MYO3A: variants seen among roughly 807,000 people sequenced by gnomAD.
MYO3A encodes myosin-IIIa.
MYO3A carries 180 observed loss-of-function variants against 192.7 expected under a neutral mutation model. The observed-to-expected ratio is 0.93, with a 90% CI of 0.83 to 1.06. The LOEUF (loss-of-function observed/expected upper bound fraction) is 1.06. Ranked by LOEUF, MYO3A falls within the 50% of genes least tolerant of loss-of-function variation. The pLI is 0.00. For missense variants in MYO3A, 1,896 were observed against 1,905.0 expected (o/e 1.00, Z 0.09); for synonymous variants, 628 against 645.3 (o/e 0.97, Z 0.41).
chr10:26,122,006 GA>G (rs1838895533), intron 18 of MYO3A, among the ~76,000 whole-genome samples: 1 of 152,098 alleles, frequency 6.6e-6, no homozygotes, highest in Non-Finnish European at 1.5e-5. Context: ...AAACCTCAAG[GA>G]AACATGTTCT....
chr10:26,078,478 G>T, intron 14 of MYO3A, among the ~76,000 whole-genome samples: 1 of 151,126 alleles, frequency 6.6e-6, no homozygotes, highest in Non-Finnish European at 1.5e-5. Flanking sequence ...ATCTTTTGTG[G>T]GGTTTTTTGT....
chr10:25,961,922 T>C (rs1588665199), intron 4 of MYO3A, among the ~76,000 whole-genome samples: 1 of 152,178 alleles, frequency 6.6e-6, no homozygotes, highest in Non-Finnish European at 1.5e-5. Context: ...GCAGTGGCTG[T>C]AATGTTACCC....
chr10:26,035,406 A>C (rs1842979547), intron 10 of MYO3A, among the ~76,000 whole-genome samples: 1 of 152,250 alleles, frequency 6.6e-6, no homozygotes, highest in Non-Finnish European at 1.5e-5. Flanking sequence ...AAGAAGAAGC[A>C]GTTGCTGATA....
At chr10:26,021,823 A>G in intron 8 of MYO3A, 175 bp downstream of exon 8, 1 of 814,774 alleles carries the variant, frequency 1.2e-6, no homozygotes, top group South Asian at 1.6e-5. Flanking sequence ...CAGTAGTTGC[A>G]TTTCCCTGGT....
In MYO3A at chr10:26,068,853, C is replaced by A. The variant is rs1249277988; in HGVS notation, c.1139C>A (p.Pro380His). ...GGAGACATACTCATTGCTCTTAACC[C>A]TTTTCAGAGTCTGGGTCTTTACTCC... Reference protein sequence around the residue: ...YVGDILIALNPFQSLGLYSTK... With the variant: ...YVGDILIALNHFQSLGLYSTK... Residue 380 changes from proline (P) to histidine (H), a missense_variant, in exon 12 of 35, where the codon CCT becomes CAT. Coordinates refer to ENST00000642920, the MANE Select transcript of MYO3A (RefSeq NM_017433.5). The A allele has an allele frequency of 6.3e-7, 1 of 1,594,728 alleles. No homozygotes were observed. Among genetic ancestry groups the A allele is most frequent in the East Asian group, 2.2e-5 (1 of 44,720 alleles).
intron 6 of MYO3A, among the ~76,000 whole-genome samples, chr10:26,003,076 C>T (rs1840953378): frequency 6.6e-6 from 1 of 152,098 alleles, no homozygotes; most frequent in African/African-American, 2.4e-5. Flanking sequence ...GAGAAAGTCA[C>T]ACAGAATCTG....
intron 10 of MYO3A, among the ~76,000 whole-genome samples, chr10:26,046,699 C>A (rs1220145722): frequency 6.6e-6 from 1 of 152,188 alleles, no homozygotes; most frequent in Admixed American, 6.5e-5. Context: ...TAATCTGGAT[C>A]CTGATTTAGC....
chr10:26,113,975 A>C (rs955351623), intron 17 of MYO3A, among the ~76,000 whole-genome samples: 1 of 152,222 alleles, frequency 6.6e-6, no homozygotes, highest in African/African-American at 2.4e-5. Context: ...AGAACATATT[A>C]ATATCTCACA....
chr10:25,951,477 G>A (rs1201451415), intron 2 of MYO3A, among the ~76,000 whole-genome samples: 1 of 152,148 alleles, frequency 6.6e-6, no homozygotes, highest in African/African-American at 2.4e-5. Flanking sequence ...CAGGCAGAGG[G>A]GGTCAGGAAT....
chr10:26,190,974 A>C (rs181088259), intron 31 of MYO3A, among the ~76,000 whole-genome samples: 1 of 152,176 alleles, frequency 6.6e-6, no homozygotes, highest in African/African-American at 2.4e-5. Flanking sequence ...CTTCTTGGCC[A>C]TCTTCATTTT....
At chr10:26,106,621 G>A (rs183389162) in intron 17 of MYO3A, among the ~76,000 whole-genome samples, 1 of 152,008 alleles carries the variant, frequency 6.6e-6, no homozygotes, top group East Asian at 1.9e-4. Flanking sequence ...TATTTTTTTG[G>A]AAAAGAATAT....
chr10:26,121,540 A>G (rs1049687078), intron 18 of MYO3A, among the ~76,000 whole-genome samples: 3 of 152,176 alleles, frequency 2.0e-5, no homozygotes, highest in African/African-American at 7.2e-5. Flanking sequence ...ACCTGAGGTC[A>G]GGAGTTTGAG....
chr10:25,996,350 A>G (rs1296909133), intron 4 of MYO3A, 140 bp from the exon 5 acceptor site: 4 of 675,638 alleles, frequency 5.9e-6, no homozygotes, highest in South Asian at 1.8e-5. Flanking sequence ...CATTTTATTT[A>G]TGAAAGCATA....
intron 11 of MYO3A, among the ~76,000 whole-genome samples, chr10:26,068,176 T>A: frequency 6.6e-6 from 1 of 152,200 alleles, no homozygotes; most frequent in Non-Finnish European, 1.5e-5. Context: ...CTATATTTTA[T>A]TTTTAGTTTC....
At chr10:26,003,513 CT>C (rs1840983077) in intron 6 of MYO3A, among the ~76,000 whole-genome samples, 1 of 152,014 alleles carries the variant, frequency 6.6e-6, no homozygotes, top group Admixed American at 6.6e-5. Flanking sequence ...GTGGGGTATA[CT>C]TTTACAAAAA....
At chr10:26,053,782 G>A (rs960597354) in intron 10 of MYO3A, among the ~76,000 whole-genome samples, 1 of 151,790 alleles carries the variant, frequency 6.6e-6, no homozygotes, top group African/African-American at 2.4e-5. Flanking sequence ...CTGAGATCGC[G>A]CCATTGCACT....
intron 19 of MYO3A, among the ~76,000 whole-genome samples, chr10:26,126,749 G>T (rs755377166): frequency 6.6e-6 from 1 of 152,150 alleles, no homozygotes; most frequent in Non-Finnish European, 1.5e-5. Context: ...GGCACTAAAT[G>T]ATACCTACCC....
At chr10:26,013,915 G>A (rs1367937637) in intron 6 of MYO3A, among the ~76,000 whole-genome samples, 1 of 152,196 alleles carries the variant, frequency 6.6e-6, no homozygotes, top group East Asian at 1.9e-4. Flanking sequence ...AATGTTGCAT[G>A]TATACACCAT....
At chr10:26,187,701 C>T (rs1018555220) in intron 31 of MYO3A, among the ~76,000 whole-genome samples, 1 of 138,324 alleles carries the variant, frequency 7.2e-6, no homozygotes, top group African/African-American at 2.7e-5. Context: ...TCCATGTGTT[C>T]TCATTGTTCA....
Sources: allele counts gnomAD v4.1 joint callset (sites outside exome capture counted in the v4.1 genomes callset), GRCh38; gene constraint gnomAD v4.1.1; transcripts MANE v1.5; gene names NCBI Gene and HGNC (gene_info 2026-07-23, HGNC 2026-07-21).